DUS3L: variants seen among roughly 807,000 people sequenced by gnomAD.
DUS3L encodes tRNA-dihydrouridine(47) synthase [NAD(P)(+)]-like.
A neutral mutation model predicts 74.6 loss-of-function variants in DUS3L; 62 were observed. The observed-to-expected ratio is 0.83, with a 90% CI of 0.68 to 1.03. The LOEUF (loss-of-function observed/expected upper bound fraction) is 1.03. Among genes scored for constraint, DUS3L ranks in the 50% least tolerant of loss-of-function variants. DUS3L has a pLI of 0.00. For synonymous variants in DUS3L, 433 were observed against 395.7 expected (o/e 1.09, Z -1.12); for missense variants, 884 against 924.4 (o/e 0.96, Z 0.57).
Position 5,787,123 on chromosome 19 carries a change from G to A in DUS3L, c.1327C>T (p.Arg443Cys), listed in dbSNP as rs373435940. 1.1e-5 allele frequency: 11 copies of A among 987,824 alleles called. No homozygotes were observed. Among genetic ancestry groups the A allele is most frequent in the Non-Finnish European group, 1.1e-5 (9 of 839,344 alleles). 61.2% of individuals were successfully genotyped at this position (987,824 alleles called of 1,614,324 possible). Residue 443 changes from arginine to cysteine, a missense_variant, in exon 8 of 13, where the codon CGT becomes TGT. Coordinates refer to ENST00000309061, the MANE Select transcript of DUS3L (RefSeq NM_020175.3). ...TVKIRTGVQERVNLAHRLLPE... is the reference protein window; with the variant it reads ...TVKIRTGVQECVNLAHRLLPE... ...AGCAGGCGGTGCGCCAGGTTCACAC[G>A]CTCCTGGACGCCTGTGCGGATCTTC...
chr19:5,789,169 T>A (rs774813547), intron 3 of DUS3L, 38 bp downstream of exon 3: 1 of 1,504,798 alleles, frequency 6.6e-7, no homozygotes, highest in Non-Finnish European at 8.9e-7. Context: ...GCACACCAGA[T>A]GGACAGATCT....
Position 5,790,105 on chromosome 19 carries a change from C to CG in DUS3L, c.328dup (p.Arg110ProfsTer25), listed in dbSNP as rs2056895003. On this transcript the variant is annotated frameshift_variant, in exon 2 of 13. Coordinates refer to ENST00000309061, the MANE Select transcript of DUS3L (RefSeq NM_020175.3). LOFTEE classifies it high-confidence loss of function. ...GTAGTTCGTGGGCTTCACATGGGGC[C>CG]GGCCCTTGTTTTGTCCCCGGGCCCT... 1 of 1,614,130 alleles carries CG rather than the reference C, an allele frequency of 6.2e-7. No homozygotes were observed. Among genetic ancestry groups the CG allele is most frequent in the Admixed American group, 1.7e-5 (1 of 60,006 alleles).
rs376101379 is a variant in DUS3L, at chr19:5,787,965, C to T, written c.1095+59G>A. On this transcript the variant is annotated intron_variant, in intron 5 of 12. Coordinates refer to ENST00000309061, the MANE Select transcript of DUS3L (RefSeq NM_020175.3). ...CAACCAGGGCAGACCTGGAACCTGG[C>T]TCTGAGACAGGACGGCCGAGGGCCC... 361 of 1,594,382 alleles carry T rather than the reference C, an allele frequency of 2.3e-4. 2 individuals are homozygous for T. In the East Asian group the frequency reaches 5.5e-3, roughly 24 times the overall value.
In DUS3L at chr19:5,789,188, C is replaced by A; in HGVS notation, c.900+19G>T. On this transcript the variant is annotated intron_variant, in intron 3 of 12. Coordinates refer to ENST00000309061, the MANE Select transcript of DUS3L (RefSeq NM_020175.3). Reference sequence around the variant, plus strand: ...ACCAGATGGACAGATCTGCTACTGACGTTGTCCTCAACACGTACCCGCTTC... The same window carrying A: ...ACCAGATGGACAGATCTGCTACTGAAGTTGTCCTCAACACGTACCCGCTTC... 6.6e-7 allele frequency: 1 copy of A among 1,515,122 alleles called. No individual in the cohort carries two copies. Among genetic ancestry groups the A allele is most frequent in the Non-Finnish European group, 8.8e-7 (1 of 1,133,824 alleles). The allele number at this position is 1,515,122 out of a possible 1,614,324, so 93.9% of individuals were successfully genotyped here.
At position 5,785,233 on chromosome 19, in the gene DUS3L, C is replaced by G; in HGVS notation, c.1923G>C (p.Leu641Phe). ...TGTACGCGTTGGCCTTGTGCTTCGGCAAGAAGGCGAAGCTGGGGGGCACTG... is the reference window on the plus strand; with the variant it reads ...TGTACGCGTTGGCCTTGTGCTTCGGGAAGAAGGCGAAGCTGGGGGGCACTG... ...LGPVPPSFAFLPKHKANAYK is the reference protein window; with the variant it reads ...LGPVPPSFAFFPKHKANAYK Residue 641 changes from leucine to phenylalanine, a missense_variant, in exon 13 of 13, where the codon TTG becomes TTC. By Grantham distance (22) the Leu-to-Phe change is conservative. Transcript: ENST00000309061. 6.2e-7 allele frequency: 1 copy of G among 1,610,464 alleles called. No homozygotes were observed. Among genetic ancestry groups the G allele is most frequent in the Non-Finnish European group, 8.5e-7 (1 of 1,179,036 alleles).
chr19:5,787,228 G>GGAGATGGTGC (rs2056861002), intron 7 of DUS3L, 57 bp from the exon 8 acceptor site: 1 of 1,543,016 alleles, frequency 6.5e-7, no homozygotes, highest in East Asian at 2.3e-5. Context: ...GGAGACGGTG[G>GGAGATGGTGC]GAGGTGGTGG....
At chr19:5,788,458 T>C (rs2056876999) in intron 3 of DUS3L, 60 bp from the exon 4 acceptor site, 1 of 1,564,194 alleles carries the variant, frequency 6.4e-7, no homozygotes, top group Non-Finnish European at 8.7e-7. Flanking sequence ...GCTGAGGCCC[T>C]GGAGCCTCCC....
chr19:5,785,706 G>A lies in DUS3L; in HGVS notation c.1648C>T (p.Leu550=). The A allele has an allele frequency of 1.9e-6, 3 of 1,612,508 alleles. No individual in the cohort carries two copies. The highest frequency in any genetic ancestry group is 1.3e-5 in the African/African-American group (1 of 75,068). Residue 550 remains leucine, a synonymous_variant, in exon 11 of 13, where the codon CTG becomes TTG. Coordinates refer to ENST00000309061, the MANE Select transcript of DUS3L (RefSeq NM_020175.3). ...AGGCCGTAGTTGGTGAAGTCCCGCAGGATGTCCAGGCGCTCGGACGACGAG... is the reference window on the plus strand; with the variant it reads ...AGGCCGTAGTTGGTGAAGTCCCGCAAGATGTCCAGGCGCTCGGACGACGAG... ...DISSSERLDI[L]RDFTNYGLEH...
intron 5 of DUS3L, 81 bp downstream of exon 5, chr19:5,787,943 C>G: frequency 6.4e-7 from 1 of 1,571,564 alleles, no homozygotes; most frequent in Non-Finnish European, 8.6e-7. Flanking sequence ...AGGGAGGCAA[C>G]CAGGGCAGAC....
intron 1 of DUS3L, 61 bp from the exon 2 acceptor site, chr19:5,790,396 A>C: frequency 3.1e-6 from 5 of 1,597,694 alleles, no homozygotes; most frequent in Non-Finnish European, 4.3e-6. Context: ...TGGGGAAAGG[A>C]GGCTAGAAAC....
intron 1 of DUS3L, chr19:5,790,709 C>G: frequency 1.8e-6 from 1 of 547,230 alleles, no homozygotes; most frequent in South Asian, 2.1e-5. Flanking sequence ...GCACTCGCTT[C>G]AACCCCAAGA....
chr19:5,786,380 A>G lies in DUS3L; in HGVS notation c.1562+87T>C. The G allele has an allele frequency of 2.2e-6, 3 of 1,343,468 alleles. No individual in the cohort carries two copies. In the South Asian group the frequency reaches 3.9e-5, roughly 17 times the overall value. 83.2% of individuals were successfully genotyped at this position (1,343,468 alleles called of 1,614,324 possible). A position where few individuals can be genotyped will look rare whatever the true frequency, so the allele number is the denominator to read the frequency against. On this transcript the variant is annotated intron_variant, in intron 10 of 12. Coordinates refer to ENST00000309061, the MANE Select transcript of DUS3L (RefSeq NM_020175.3). The stretch of plus-strand genomic sequence containing the variant: ...CCCATCTTGGGACCAACAGCCCACC[A>G]CAGAACAGGGGTGGGTGACGGCGTG...
chr19:5,786,811 T>A lies in DUS3L; in HGVS notation c.1424A>T (p.Lys475Met). The change falls in exon 9 of 13, where the codon AAG becomes ATG. Residue 475 changes from lysine to methionine, a missense_variant. Coordinates refer to ENST00000309061, the MANE Select transcript of DUS3L (RefSeq NM_020175.3). ...CTCGATGTACTGCCAGTCGGCTAGC[T>A]TGGTGTAGCGCTGCTCCCGAGAGCG... is the stretch of plus-strand genomic sequence containing the variant. ...HGRSREQRYT[K>M]LADWQYIEEC... The A allele has an allele frequency of 2.5e-6, 4 of 1,611,822 alleles. No individual in the cohort carries two copies. Among genetic ancestry groups the A allele is most frequent in the Non-Finnish European group, 3.4e-6 (4 of 1,179,760 alleles).
Position 5,790,173 on chromosome 19 carries a change from C to T in DUS3L, c.261G>A (p.Thr87=), listed in dbSNP as rs2056895915. ...LEDGQTADGQ[T]EEAAEPGEQL... ...GCTCCCCGGGCTCTGCTGCCTCCTC[C>T]GTCTGCCCGTCCGCCGTCTGTCCAT... Residue 87 remains threonine, a synonymous_variant, in exon 2 of 13, where the codon ACG becomes ACA. Transcript: ENST00000309061. 3.1e-6 allele frequency: 5 copies of T among 1,614,174 alleles called. No individual in the cohort carries two copies. The highest frequency in any genetic ancestry group is 2.2e-5 in the East Asian group (1 of 44,882).
chr19:5,785,886 A>G, intron 10 of DUS3L, 95 bp from the exon 11 acceptor site: 1 of 1,347,158 alleles, frequency 7.4e-7, no homozygotes, highest in Non-Finnish European at 9.9e-7. Context: ...CGGAGCCCAG[A>G]CCACAAAACC....
chr19:5,787,621 C>T lies in DUS3L; in HGVS notation c.1180G>A (p.Val394Ile), dbSNP rs775901684. Residue 394 changes from valine to isoleucine, a missense_variant, in exon 6 of 13, where the codon GTC becomes ATC. Transcript: ENST00000309061. ...TVEVDFVDINVGCPIDLVYKK... is the reference protein window; with the variant it reads ...TVEVDFVDINIGCPIDLVYKK... ...TACACGAGGTCGATGGGGCAGCCGA[C>T]GTTGATGTCCACAAAGTCCACCTCC... The T allele has an allele frequency of 3.5e-5, 56 of 1,613,660 alleles. No homozygotes were observed. The highest frequency in any genetic ancestry group is 3.3e-4 in the Middle Eastern group (2 of 6,084).
At position 5,789,579 on chromosome 19, in the gene DUS3L, G is replaced by C; in HGVS notation, c.528C>G (p.Thr176=). 8 of 1,588,818 alleles carry C rather than the reference G, an allele frequency of 5.0e-6. No homozygotes were observed. The highest frequency in any genetic ancestry group is 6.8e-6 in the Non-Finnish European group (8 of 1,170,284). The change falls in exon 3 of 13, where the codon ACC becomes ACG. Residue 176 remains threonine (T), a synonymous_variant. Coordinates refer to ENST00000309061, the MANE Select transcript of DUS3L (RefSeq NM_020175.3). ...TCAGGTGGGCCCCAGCGAAGCGGCA[G>C]GTCACGCCGTAGGGGCACCGGCCGA... The part of the protein sequence containing the change: ...ETFGRCPYGV[T]CRFAGAHLRP...
intron 2 of DUS3L, 153 bp from the exon 3 acceptor site, chr19:5,789,872 G>A: frequency 7.7e-7 from 1 of 1,301,076 alleles, no homozygotes; most frequent in Non-Finnish European, 1.1e-6. Flanking sequence ...TTTATACAAT[G>A]AGAACAATGA....
chr19:5,790,737 C>G (rs942204769), intron 1 of DUS3L: 4 of 558,508 alleles, frequency 7.2e-6, no homozygotes, highest in Non-Finnish European at 9.6e-6. Flanking sequence ...GTAACGGCCG[C>G]TGGCAGAGCA....
Sources: gnomAD v4.1 joint callset for allele counts on GRCh38, gnomAD v4.1.1 for gene constraint, MANE v1.5 for transcripts, NCBI Gene and HGNC (gene_info 2026-07-23, HGNC 2026-07-21) for gene names.